Variants in CSMD1 observed in about 807,000 individuals in gnomAD.
CSMD1 encodes CUB and Sushi multiple domains 1.
CSMD1 carries 213 observed loss-of-function variants against 417.5 expected under a neutral mutation model. The observed-to-expected ratio is 0.51, with a 90% CI of 0.46 to 0.57. CSMD1 has a LOEUF of 0.57. CSMD1 is among the 20% of genes least tolerant of loss of function. CSMD1 has a pLI of 0.00. For synonymous variants in CSMD1, 2,862 were observed against 1,736.8 expected (o/e 1.65, Z -16.11); for missense variants, 6,923 against 4,529.7 (o/e 1.53, Z -15.17).
intron 7 of CSMD1, among the ~76,000 whole-genome samples, chr8:3,678,513 G>C (rs1291293222): frequency 7.9e-5 from 12 of 152,122 alleles, no homozygotes. Flanking sequence ...AATGAACAAA[G>C]CCTCCAAGAA....
At chr8:3,714,500 T>G (rs1801711548) in intron 6 of CSMD1, among the ~76,000 whole-genome samples, 1 of 136,696 alleles carries the variant, frequency 7.3e-6, no homozygotes, top group Non-Finnish European at 1.5e-5. Flanking sequence ...AGACAGGGGA[T>G]CACATGAAGT....
chr8:4,289,352 T>G (rs1284850749), intron 3 of CSMD1, among the ~76,000 whole-genome samples: 1 of 152,198 alleles, frequency 6.6e-6, no homozygotes, highest in African/African-American at 2.4e-5. Flanking sequence ...TACATTTAAC[T>G]TTTCTTATAG....
intron 5 of CSMD1, among the ~76,000 whole-genome samples, chr8:3,987,439 T>C (rs769452242): frequency 6.6e-6 from 1 of 152,200 alleles, no homozygotes; most frequent in Admixed American, 6.5e-5. Flanking sequence ...GGTACAGTGG[T>C]AGGTTTCTGA....
At chr8:3,469,761 G>A (rs768323447) in intron 11 of CSMD1, among the ~76,000 whole-genome samples, 10 of 152,074 alleles carry the variant, frequency 6.6e-5, no homozygotes, top group South Asian at 2.1e-4. Context: ...ACAGAGCACC[G>A]GATTCTTCAA....
intron 3 of CSMD1, among the ~76,000 whole-genome samples, chr8:4,197,174 A>C (rs747416808): frequency 6.6e-6 from 1 of 152,188 alleles, no homozygotes; most frequent in Non-Finnish European, 1.5e-5. Context: ...TACGGTCAAA[A>C]AATGTGTATA....
At chr8:4,290,849 A>G (rs1234499673) in intron 3 of CSMD1, among the ~76,000 whole-genome samples, 1 of 152,222 alleles carries the variant, frequency 6.6e-6, no homozygotes, top group African/African-American at 2.4e-5. Flanking sequence ...AAATGAAAAT[A>G]TCCATCTGTT....
At chr8:4,409,008 A>G (rs945324313) in intron 3 of CSMD1, among the ~76,000 whole-genome samples, 1 of 152,234 alleles carries the variant, frequency 6.6e-6, no homozygotes, top group Non-Finnish European at 1.5e-5. Context: ...AAGAACTCTG[A>G]AGACAAAACA....
At chr8:4,346,439 C>T (rs1401046413) in intron 3 of CSMD1, among the ~76,000 whole-genome samples, 1 of 152,054 alleles carries the variant, frequency 6.6e-6, no homozygotes, top group African/African-American at 2.4e-5. Flanking sequence ...AGTATCTGGC[C>T]CTTTAAAGCA....
At chr8:3,983,242 T>C (rs1461719342) in intron 5 of CSMD1, among the ~76,000 whole-genome samples, 3 of 151,214 alleles carry the variant, frequency 2.0e-5, no homozygotes, top group African/African-American at 7.3e-5. Flanking sequence ...GCCATTCTCC[T>C]GCCTCAGCCT....
At chr8:4,198,337 G>A (rs1215978699) in intron 3 of CSMD1, among the ~76,000 whole-genome samples, 1 of 152,230 alleles carries the variant, frequency 6.6e-6, no homozygotes, top group Admixed American at 6.5e-5. Context: ...ACGTCATGGT[G>A]GACCTGTGTG....
chr8:3,454,505 C>A (rs893378899), intron 12 of CSMD1, among the ~76,000 whole-genome samples: 7 of 152,142 alleles, frequency 4.6e-5, no homozygotes, highest in African/African-American at 1.7e-4. Context: ...TAGGGCAGGA[C>A]TGGTGGTGAC....
chr8:4,351,484 A>C (rs1282443791), intron 3 of CSMD1, among the ~76,000 whole-genome samples: 1 of 152,228 alleles, frequency 6.6e-6, no homozygotes, highest in Non-Finnish European at 1.5e-5. Context: ...TACTGTGCCA[A>C]ATTTATAGAT....
chr8:3,018,647 A>G lies in CSMD1; in HGVS notation c.7859T>C (p.Ile2620Thr). The G allele has an allele frequency of 6.2e-7, 1 of 1,612,020 alleles. No individual in the cohort carries two copies. The highest frequency in any genetic ancestry group is 8.5e-7 in the Non-Finnish European group (1 of 1,178,740). Residue 2620 changes from isoleucine to threonine, a missense_variant, in exon 52 of 70, where the codon ATC (isoleucine) becomes ACC (threonine). Transcript: ENST00000635120. ...IGDERPSCRVISCGSLSFPPN... is the reference protein window; with the variant it reads ...IGDERPSCRVTSCGSLSFPPN... Reference sequence around the variant, plus strand: ...GGGAAAGGAAAGGCTTCCACACGAGATAACTAGAAGGAAAAACAATAAAAT... The same window carrying G: ...GGGAAAGGAAAGGCTTCCACACGAGGTAACTAGAAGGAAAAACAATAAAAT...
chr8:4,571,175 C>G (rs926040290), intron 2 of CSMD1, among the ~76,000 whole-genome samples: 2 of 152,076 alleles, frequency 1.3e-5, no homozygotes, highest in African/African-American at 4.8e-5. Flanking sequence ...TATTTCTTGT[C>G]TTCTGCTAGG....
At chr8:3,603,149 T>C (rs1289455494) in intron 8 of CSMD1, among the ~76,000 whole-genome samples, 1 of 152,152 alleles carries the variant, frequency 6.6e-6, no homozygotes, top group East Asian at 1.9e-4. Flanking sequence ...ATATTATTGT[T>C]TGTGGTATTT....
At chr8:4,158,739 C>A (rs114637586) in intron 3 of CSMD1, among the ~76,000 whole-genome samples, 141 of 152,238 alleles carry the variant, frequency 9.3e-4, no homozygotes, top group African/African-American at 3.3e-3. Flanking sequence ...CCATGAGAAC[C>A]ACCATCATCG....
chr8:3,362,402 G>C (rs187525968), intron 20 of CSMD1, among the ~76,000 whole-genome samples: 91 of 152,220 alleles, frequency 6.0e-4, no homozygotes, highest in African/African-American at 2.2e-3. Flanking sequence ...TCAATTCTTA[G>C]GCTTCCTCTT....
chr8:4,416,563 C>G (rs1275992580), intron 3 of CSMD1, among the ~76,000 whole-genome samples: 1 of 151,984 alleles, frequency 6.6e-6, no homozygotes, highest in African/African-American at 2.4e-5. Context: ...CAACATTTAG[C>G]TTACGTTTTT....
intron 3 of CSMD1, among the ~76,000 whole-genome samples, chr8:4,413,084 GA>G (rs978298029): frequency 3.9e-4 from 59 of 152,244 alleles, no homozygotes; most frequent in African/African-American, 1.3e-3. Context: ...CAGCTTCATG[GA>G]AAGAGATATT....
Sources: gnomAD v4.1 joint callset for allele counts (sites outside exome capture counted in the v4.1 genomes callset) on GRCh38, gnomAD v4.1.1 for gene constraint, MANE v1.5 for transcripts, NCBI Gene and HGNC (gene_info 2026-07-23, HGNC 2026-07-21) for gene names.